The following DNAJC6 variants were observed in gnomAD, a reference collection of about 807,000 sequenced individuals.
DNAJC6 encodes DnaJ heat shock protein family (Hsp40) member C6, also known as auxilin.
DNAJC6 carries 34 observed loss-of-function variants against 110.0 expected under a neutral mutation model. The observed-to-expected ratio is 0.31, with a 90% confidence interval of 0.24 to 0.41. The LOEUF (loss-of-function observed/expected upper bound fraction) is 0.41. Among genes scored for constraint, DNAJC6 ranks in the 10% least tolerant of loss-of-function variants. The pLI is 1.00. For synonymous variants in DNAJC6, 406 were observed against 437.2 expected (o/e 0.93, Z 0.89); for missense variants, 1,031 against 1,207.8 (o/e 0.85, Z 2.17).
Position 65,364,741 on chromosome 1 carries a change from C to T in DNAJC6, c.300C>T (p.Asp100=), listed in dbSNP as rs1645629847. The T allele has an allele frequency of 1.9e-6, 3 of 1,612,704 alleles. No individual in the cohort carries two copies. Among genetic ancestry groups the T allele is most frequent in the Non-Finnish European group, 2.5e-6 (3 of 1,179,446 alleles). The part of the protein sequence containing the change: ...LFSNLKDNLK[D]TLKDTSSRVI... ...GTAACCTAAAGGACAACTTGAAAGA[C>T]ACCCTCAAAGACACATCTTCTAGAG... Residue 100 remains aspartate (D), a synonymous_variant, in exon 2 of 19, where the codon GAC becomes GAT. Transcript: ENST00000371069.
chr1:65,302,273 TTATATAATATAA>T (rs1341429834), intron 1 of DNAJC6, among the ~76,000 whole-genome samples: 4 of 19,862 alleles, frequency 2.0e-4, no homozygotes, highest in Non-Finnish European at 3.4e-4. Flanking sequence ...ATATTATATA[TTATATAATATAA>T]TATATAATAT....
intron 1 of DNAJC6, among the ~76,000 whole-genome samples, chr1:65,347,248 C>A (rs1401843088): frequency 2.0e-5 from 3 of 152,080 alleles, no homozygotes; most frequent in Non-Finnish European, 2.9e-5. Context: ...ATATAGTCTC[C>A]AAAATGTTAA....
intron 4 of DNAJC6, among the ~76,000 whole-genome samples, chr1:65,368,976 G>C (rs1308889297): frequency 6.6e-6 from 1 of 151,880 alleles, no homozygotes; most frequent in Non-Finnish European, 1.5e-5. Context: ...TGCCATCTTG[G>C]CCAGGCTGGT....
chr1:65,330,227 A>G (rs1036690910), intron 1 of DNAJC6, among the ~76,000 whole-genome samples: 25 of 152,172 alleles, frequency 1.6e-4, no homozygotes, highest in African/African-American at 5.5e-4. Flanking sequence ...TTTGAAGCTG[A>G]CCTCAATATT....
At chr1:65,402,581 C>T (rs1646040544) in intron 15 of DNAJC6, among the ~76,000 whole-genome samples, 1 of 152,136 alleles carries the variant, frequency 6.6e-6, no homozygotes, top group Admixed American at 6.5e-5. Context: ...CATTTTCTTC[C>T]TCCTTTTTCC....
intron 1 of DNAJC6, among the ~76,000 whole-genome samples, chr1:65,358,250 AAAAC>A (rs1464603654): frequency 2.0e-5 from 3 of 152,076 alleles, no homozygotes; most frequent in East Asian, 1.9e-4. Context: ...TATAATCATA[AAAAC>A]AAACAAAAAT....
chr1:65,326,705 G>A (rs997440768), intron 1 of DNAJC6, among the ~76,000 whole-genome samples: 11 of 152,092 alleles, frequency 7.2e-5, no homozygotes, highest in Non-Finnish European at 1.3e-4. Flanking sequence ...CATTTGCTCT[G>A]CCCTTCACTC....
At chr1:65,392,401 AATCTCT>A in intron 11 of DNAJC6, 24 bp from the exon 12 acceptor site, 1 of 1,531,094 alleles carries the variant, frequency 6.5e-7, no homozygotes, top group Non-Finnish European at 8.8e-7. Flanking sequence ...GTCAGCAACT[AATCTCT>A]TATGGTATAC....
At chr1:65,319,485 G>T (rs1239680655) in intron 1 of DNAJC6, among the ~76,000 whole-genome samples, 1 of 152,186 alleles carries the variant, frequency 6.6e-6, no homozygotes, top group South Asian at 2.1e-4. Context: ...TGTCTGTATC[G>T]GGTGGCCCCT....
At chr1:65,396,394 A>G (rs1427522241) in intron 13 of DNAJC6, among the ~76,000 whole-genome samples, 4 of 152,166 alleles carry the variant, frequency 2.6e-5, no homozygotes, top group African/African-American at 9.7e-5. Flanking sequence ...TGGCCTGTGT[A>G]GCCTCTGTAT....
Position 65,392,703 on chromosome 1 carries a change from C to G in DNAJC6, c.1741C>G (p.Leu581Val), listed in dbSNP as rs770718853. ...PAAPPTNSEL[L>V]SDLFGGGGAA... ...GGCTCCTCCCACCAATTCTGAACTA[C>G]TGAGTGACCTGTTTGGGGGTGGAGG... Residue 581 changes from leucine (L) to valine (V), a missense_variant, in exon 12 of 19, where the codon CTG (leucine) becomes GTG (valine). Physicochemically the swap from Leu to Val is conservative, Grantham distance 32 (BLOSUM62 1). Transcript: ENST00000371069. 2 of 1,612,784 alleles carry G rather than the reference C, an allele frequency of 1.2e-6. No homozygotes were observed. Among genetic ancestry groups the G allele is most frequent in the Admixed American group, 1.7e-5 (1 of 59,806 alleles).
intron 1 of DNAJC6, among the ~76,000 whole-genome samples, chr1:65,315,280 A>G (rs1645138391): frequency 7.2e-6 from 1 of 138,860 alleles, no homozygotes; most frequent in Non-Finnish European, 1.5e-5. Context: ...AGCTTTGAGA[A>G]TAATGTTTTT....
chr1:65,410,028 T>C (rs1646114242), intron 17 of DNAJC6, among the ~76,000 whole-genome samples: 1 of 152,154 alleles, frequency 6.6e-6, no homozygotes, highest in South Asian at 2.1e-4. Flanking sequence ...GTTCTGTTGA[T>C]GAGTGGTATG....
chr1:65,368,706 C>CCT (rs752218833), intron 4 of DNAJC6, among the ~76,000 whole-genome samples: 4 of 54,508 alleles, frequency 7.3e-5, no homozygotes, highest in African/African-American at 1.7e-4. Context: ...TCTTCCTCCT[C>CCT]CTTCTTCTTC....
chr1:65,407,302 T>C (rs551267457), intron 16 of DNAJC6, among the ~76,000 whole-genome samples: 5 of 152,174 alleles, frequency 3.3e-5, no homozygotes, highest in Non-Finnish European at 7.4e-5. Context: ...ATCTGCAGTT[T>C]TAGGTGTCCA....
chr1:65,289,950 T>C (rs1319893727), intron 1 of DNAJC6, among the ~76,000 whole-genome samples: 1 of 151,960 alleles, frequency 6.6e-6, no homozygotes, highest in Non-Finnish European at 1.5e-5. Context: ...GCTGGGATTA[T>C]AGGCGCCCAC....
chr1:65,408,918 A>C (rs935125564), intron 17 of DNAJC6, 135 bp downstream of exon 17: 1 of 1,079,256 alleles, frequency 9.3e-7, no homozygotes. Flanking sequence ...AAATACCATA[A>C]ACTAGGTGGC....
intron 1 of DNAJC6, among the ~76,000 whole-genome samples, chr1:65,334,260 T>A (rs1443575496): frequency 6.6e-6 from 1 of 152,106 alleles, no homozygotes; most frequent in African/African-American, 2.4e-5. Flanking sequence ...TCTGGCAAGG[T>A]GGTGAATAAT....
Position 65,317,777 on chromosome 1 carries a change from G to T in DNAJC6, c.193+7839G>T, listed in dbSNP as rs1346700245. Among the ~76,000 whole-genome samples the T allele has an allele frequency of 2.6e-5, 4 of 152,204 alleles. No individual in the cohort carries two copies. In the East Asian group the frequency reaches 7.7e-4, roughly 29 times the overall value. On this transcript the variant is annotated intron_variant, in intron 1 of 18. Coordinates refer to ENST00000371069, the MANE Select transcript of DNAJC6 (RefSeq NM_001256864.2). Reference sequence around the variant, plus strand: ...TTAGAATTGGAGATATTTGACAAAAGTCAGGGTGAATAAATAGTATAATAA... The same window carrying T: ...TTAGAATTGGAGATATTTGACAAAATTCAGGGTGAATAAATAGTATAATAA...
Sources: allele counts gnomAD v4.1 joint callset (sites outside exome capture counted in the v4.1 genomes callset), GRCh38; gene constraint gnomAD v4.1.1; transcripts MANE v1.5; gene names NCBI Gene and HGNC (gene_info 2026-07-23, HGNC 2026-07-21).